Variants in ARID5A observed in about 807,000 individuals in gnomAD.
ARID5A encodes the protein AT-rich interaction domain 5A.
Under a neutral mutation model 30.5 loss-of-function variants are expected in ARID5A, and 14 were observed. That is an observed-to-expected ratio of 0.46 (90% CI 0.30 to 0.72). The LOEUF (loss-of-function observed/expected upper bound fraction) is 0.72. Ranked by LOEUF, ARID5A falls within the 30% of genes least tolerant of loss-of-function variation. The pLI, the probability that ARID5A is intolerant of heterozygous loss-of-function variation, is 0.07. For synonymous variants in ARID5A, 338 were observed against 340.4 expected (o/e 0.99, Z 0.08); for missense variants, 669 against 786.2 (o/e 0.85, Z 1.78).
In ARID5A at chr2:96,551,462, C is replaced by T. The variant is rs764638622; in HGVS notation, c.934C>T (p.Leu312=). 1 of 1,590,078 alleles carries T rather than the reference C, an allele frequency of 6.3e-7. No homozygotes were observed. The highest frequency in any genetic ancestry group is 8.6e-7 in the Non-Finnish European group (1 of 1,168,538). Residue 312 remains leucine, a synonymous_variant, in exon 7 of 7, where the codon CTG becomes TTG. Coordinates refer to ENST00000357485, the MANE Select transcript of ARID5A (RefSeq NM_212481.3). ...KGLTENSRHR[L]TPQEGLQAPG... Reference sequence around the variant, plus strand: ...GCTGACTGAGAACTCCAGGCACCGGCTGACCCCTCAGGAGGGATTGCAGGC... The same window carrying T: ...GCTGACTGAGAACTCCAGGCACCGGTTGACCCCTCAGGAGGGATTGCAGGC...
chr2:96,545,239 C>T (rs542633270), intron 1 of ARID5A, among the ~76,000 whole-genome samples: 12 of 148,304 alleles, frequency 8.1e-5, no homozygotes, highest in Non-Finnish European at 1.8e-4. Flanking sequence ...TCACTGCAGC[C>T]TCCGCCTCCT....
chr2:96,547,628 G>A, intron 2 of ARID5A, 111 bp downstream of exon 2: 2 of 971,614 alleles, frequency 2.1e-6, no homozygotes, highest in Non-Finnish European at 3.1e-6. Flanking sequence ...AGGGAGATAT[G>A]TTCCTACCCT....
In ARID5A at chr2:96,537,591, C is replaced by T. The variant is rs116240150; in HGVS notation, c.4+761C>T. ...TCCTGTCCCTTGTGTGTCCCCTTGTCTTCCCTCGGTCTGCAGAAGGGACGG... is the reference window on the plus strand; with the variant it reads ...TCCTGTCCCTTGTGTGTCCCCTTGTTTTCCCTCGGTCTGCAGAAGGGACGG... On this transcript the variant is annotated intron_variant, in intron 1 of 6. Coordinates refer to ENST00000357485, the MANE Select transcript of ARID5A (RefSeq NM_212481.3). This position sits in a 1 kb window ranked among gnomAD's most constrained non-coding sequence, Gnocchi z 4.8. 3.3e-5 allele frequency: 5 copies of T among 152,584 alleles called. No homozygotes were observed. The allele number at this position is 152,584 out of a possible 1,614,324, so 9.5% of individuals were successfully genotyped here.
Position 96,550,681 on chromosome 2 carries a change from A to G in ARID5A, c.518A>G (p.Asp173Gly). The G allele has an allele frequency of 4.4e-6, 7 of 1,596,588 alleles. No individual in the cohort carries two copies. The highest frequency in any genetic ancestry group is 6.0e-6 in the Non-Finnish European group (7 of 1,172,704). ...YKMAKENRGDDGATERPKKAK... is the reference protein window; with the variant it reads ...YKMAKENRGDGGATERPKKAK... ...ATGGCTAAGGAGAACAGGGGGGATG[A>G]TGGGGCCACCGAGAGGCCGAAGAAG... Residue 173 changes from aspartate to glycine, a missense_variant, in exon 6 of 7, where the codon GAT becomes GGT. Physicochemically the swap from Asp to Gly is moderately conservative, Grantham distance 94 (BLOSUM62 -1). Around this residue, in one of 4 missense-constraint regions of ARID5A, gnomAD observed 548 missense variants for 577.4 expected, o/e 0.95. Coordinates refer to ENST00000357485, the MANE Select transcript of ARID5A (RefSeq NM_212481.3). The surrounding 1 kb of genome is among the most constrained non-coding windows in gnomAD (Gnocchi z 6.6).
Position 96,550,126 on chromosome 2 carries a change from C to T in ARID5A, c.313-62C>T. On this transcript the variant is annotated intron_variant, in intron 4 of 6. Coordinates refer to ENST00000357485, the MANE Select transcript of ARID5A (RefSeq NM_212481.3). The surrounding 1 kb of genome is among the most constrained non-coding windows in gnomAD (Gnocchi z 6.6). ...CGAGTCCCTGCGAGGGCGGCCGGAG[C>T]TGCAAGGACCCCGCCGCCAGGGGGC... 2 of 1,531,044 alleles carry T rather than the reference C, an allele frequency of 1.3e-6. No individual in the cohort carries two copies. The highest frequency in any genetic ancestry group is 4.9e-5 in the East Asian group (2 of 40,570). The allele number at this position is 1,531,044 out of a possible 1,614,324, so 94.8% of individuals were successfully genotyped here. A position where few individuals can be genotyped will look rare whatever the true frequency, so the allele number is the denominator to read the frequency against.
At position 96,550,153 on chromosome 2, in the gene ARID5A, C is replaced by A. The variant is rs1256385387; in HGVS notation, c.313-35C>A. 2 of 1,531,572 alleles carry A rather than the reference C, an allele frequency of 1.3e-6. No individual in the cohort carries two copies. The highest frequency in any genetic ancestry group is 1.8e-6 in the Non-Finnish European group (2 of 1,141,940). The allele number at this position is 1,531,572 out of a possible 1,614,324, so 94.9% of individuals were successfully genotyped here. Reference sequence around the variant, plus strand: ...GCAAGGACCCCGCCGCCAGGGGGCGCCCGCCGGCCGCGCCCTCACGAGGTG... The same window carrying A: ...GCAAGGACCCCGCCGCCAGGGGGCGACCGCCGGCCGCGCCCTCACGAGGTG... On this transcript the variant is annotated intron_variant, in intron 4 of 6. Coordinates refer to ENST00000357485, the MANE Select transcript of ARID5A (RefSeq NM_212481.3). This position sits in a 1 kb window ranked among gnomAD's most constrained non-coding sequence, Gnocchi z 6.6.
rs1195272014 is a variant in ARID5A, at chr2:96,550,223, C to T, written c.348C>T (p.Asp116=). The T allele has an allele frequency of 8.5e-6, 13 of 1,533,588 alleles. No homozygotes were observed. Among genetic ancestry groups the T allele is most frequent in the Admixed American group, 2.0e-5 (1 of 49,570 alleles). The allele number at this position is 1,533,588 out of a possible 1,614,324, so 95.0% of individuals were successfully genotyped here. A position where few individuals can be genotyped will look rare whatever the true frequency, so the allele number is the denominator to read the frequency against. The part of the protein sequence containing the change: ...TGRRLWKNVY[D]ELGGSPGSTS... The stretch of plus-strand genomic sequence containing the variant: ...GCCGCCTCTGGAAGAACGTGTACGA[C>T]GAGCTGGGGGGCAGCCCAGGCAGCA... Residue 116 remains aspartate, a synonymous_variant, in exon 5 of 7, where the codon GAC becomes GAT. Transcript: ENST00000357485. The surrounding 1 kb of genome is among the most constrained non-coding windows in gnomAD (Gnocchi z 6.6).
In ARID5A at chr2:96,550,224, G is replaced by C; in HGVS notation, c.349G>C (p.Glu117Gln). The C allele has an allele frequency of 6.5e-7, 1 of 1,533,284 alleles. No homozygotes were observed. The highest frequency in any genetic ancestry group is 1.2e-5 in the South Asian group (1 of 83,302). 95.0% of individuals were successfully genotyped at this position (1,533,284 alleles called of 1,614,324 possible). ...GRRLWKNVYDELGGSPGSTSA... is the reference protein window; with the variant it reads ...GRRLWKNVYDQLGGSPGSTSA... ...CCGCCTCTGGAAGAACGTGTACGAC[G>C]AGCTGGGGGGCAGCCCAGGCAGCAC... The change falls in exon 5 of 7, where the codon GAG becomes CAG. Residue 117 changes from glutamate to glutamine, a missense_variant. Around this residue, in one of 4 missense-constraint regions of ARID5A, gnomAD observed 64 missense variants for 119.7 expected, o/e 0.53. Transcript: ENST00000357485. This position sits in a 1 kb window ranked among gnomAD's most constrained non-coding sequence, Gnocchi z 6.6.
At chr2:96,538,664 C>T (rs1034810706) in intron 1 of ARID5A, among the ~76,000 whole-genome samples, 1 of 152,228 alleles carries the variant, frequency 6.6e-6, no homozygotes, top group African/African-American at 2.4e-5. Context: ...CCGGCCGTTT[C>T]GCCGCTTCAA....
chr2:96,540,276 A>G (rs144818780), intron 1 of ARID5A, among the ~76,000 whole-genome samples: 32 of 152,330 alleles, frequency 2.1e-4, no homozygotes, highest in Admixed American at 3.9e-4. Context: ...AGCTTGACTC[A>G]GACAGGAGCT....
intron 1 of ARID5A, among the ~76,000 whole-genome samples, chr2:96,546,719 G>A (rs774385461): frequency 2.4e-4 from 36 of 152,248 alleles, no homozygotes; most frequent in Non-Finnish European, 4.0e-4. Flanking sequence ...ACCCTTGTAG[G>A]TGAGGAGAGC....
Position 96,552,573 on chromosome 2 carries a change from G to A in ARID5A, c.*260G>A, listed in dbSNP as rs567036780. On this transcript the variant is annotated 3_prime_UTR_variant, in exon 7 of 7. Transcript: ENST00000357485. ...TGGGCAGCTCCCACTGCCCCAGAGC[G>A]GAGCTCGAAGCACCCAGGTTGCCCA... 350 of 1,500,464 alleles carry A rather than the reference G, an allele frequency of 2.3e-4. No individual in the cohort carries two copies. In the African/African-American group the frequency reaches 3.0e-3, roughly 13 times the overall value. The allele number at this position is 1,500,464 out of a possible 1,614,324, so 92.9% of individuals were successfully genotyped here.
chr2:96,542,364 C>T (rs1449072933), intron 1 of ARID5A, among the ~76,000 whole-genome samples: 1 of 152,188 alleles, frequency 6.6e-6, no homozygotes, highest in Non-Finnish European at 1.5e-5. Flanking sequence ...GAATGTTTCC[C>T]TTTGTGGCTT....
At chr2:96,545,156 C>CTTTTTTTTTTTTTTT (rs35156624) in intron 1 of ARID5A, among the ~76,000 whole-genome samples, 1 of 116,336 alleles carries the variant, frequency 8.6e-6, no homozygotes. Context: ...TTTTCTTTTT[C>CTTTTTTTTTTTTTTT]TTTTTTTTTT....
At position 96,541,288 on chromosome 2, in the gene ARID5A, G is replaced by A. The variant is rs148052137; in HGVS notation, c.4+4458G>A. Among the ~76,000 whole-genome samples, 548 of 152,248 alleles carry A rather than the reference G, an allele frequency of 3.6e-3. 1 individual carries two copies. Among genetic ancestry groups the A allele is most frequent in the African/African-American group, 0.012 (515 of 41,538 alleles). On this transcript the variant is annotated intron_variant, in intron 1 of 6. Coordinates refer to ENST00000357485, the MANE Select transcript of ARID5A (RefSeq NM_212481.3). ...CTTGACCTCATGATCTGCCCGCCTC[G>A]GCCTCCCAAAGTGTTTTTGTTTTTG...
Position 96,550,478 on chromosome 2 carries a change from C to T in ARID5A, c.411-96C>T, listed in dbSNP as rs913578836. 2.3e-5 allele frequency: 34 copies of T among 1,469,140 alleles called. No homozygotes were observed. Among genetic ancestry groups the T allele is most frequent in the Middle Eastern group, 2.4e-4 (1 of 4,106 alleles). 91.0% of individuals were successfully genotyped at this position (1,469,140 alleles called of 1,614,324 possible). On this transcript the variant is annotated intron_variant, in intron 5 of 6. Coordinates refer to ENST00000357485, the MANE Select transcript of ARID5A (RefSeq NM_212481.3). This position sits in a 1 kb window ranked among gnomAD's most constrained non-coding sequence, Gnocchi z 6.6. Reference sequence around the variant, plus strand: ...TTTGGGACCAGGAGAGGGCCTTCCTCGGCGCCGGCGGGGAAGGGGGCTCAG... The same window carrying T: ...TTTGGGACCAGGAGAGGGCCTTCCTTGGCGCCGGCGGGGAAGGGGGCTCAG...
At position 96,551,779 on chromosome 2, in the gene ARID5A, G is replaced by C; in HGVS notation, c.1251G>C (p.Trp417Cys). The C allele has an allele frequency of 6.5e-7, 1 of 1,539,194 alleles. No individual in the cohort carries two copies. The highest frequency in any genetic ancestry group is 8.7e-7 in the Non-Finnish European group (1 of 1,147,692). Reference protein sequence around the residue: ...GILYPKPKACWVSPMAKVPAE... With the variant: ...GILYPKPKACCVSPMAKVPAE... ...TCTACCCCAAGCCCAAAGCCTGCTGGGTGTCCCCCATGGCCAAGGTCCCAG... is the reference window on the plus strand; with the variant it reads ...TCTACCCCAAGCCCAAAGCCTGCTGCGTGTCCCCCATGGCCAAGGTCCCAG... Residue 417 changes from tryptophan to cysteine, a missense_variant, in exon 7 of 7, where the codon TGG becomes TGC. Trp to Cys is a radical substitution (Grantham distance 215). Transcript: ENST00000357485.
At chr2:96,545,775 GA>G (rs2065916366) in intron 1 of ARID5A, among the ~76,000 whole-genome samples, 1 of 151,840 alleles carries the variant, frequency 6.6e-6, no homozygotes, top group South Asian at 2.1e-4. Context: ...CCAATATGGT[GA>G]AACCCCGTCT....
chr2:96,544,326 G>A (rs2065890707), intron 1 of ARID5A, among the ~76,000 whole-genome samples: 1 of 152,210 alleles, frequency 6.6e-6, no homozygotes. Context: ...AGAAGAAGAT[G>A]TCATCTAGGA....
Sources: gnomAD v4.1 joint callset for allele counts (sites outside exome capture counted in the v4.1 genomes callset) on GRCh38, gnomAD v4.1.1 for gene constraint, gnomAD v4.1.1 regional missense constraint, Gnocchi (gnomAD v3.1) non-coding constraint, MANE v1.5 for transcripts, NCBI Gene and HGNC (gene_info 2026-07-23, HGNC 2026-07-21) for gene names.